FBXO8: variants seen among roughly 807,000 people sequenced by gnomAD.
The protein encoded by FBXO8 is F-box only protein 8.
FBXO8 carries 15 observed loss-of-function variants against 33.4 expected under a neutral mutation model. The ratio of observed to expected loss-of-function variants is 0.45; its 90% CI spans 0.30 to 0.69. The LOEUF (loss-of-function observed/expected upper bound fraction) is 0.69. FBXO8 is among the 30% of genes least tolerant of loss of function. FBXO8 has a pLI of 0.08. For synonymous variants in FBXO8, 132 were observed against 131.5 expected (o/e 1.00, Z -0.02); for missense variants, 274 against 380.3 (o/e 0.72, Z 2.32).
chr4:174,277,713 G>A lies in FBXO8; in HGVS notation c.-9+5697C>T, dbSNP rs148865782. On this transcript the variant is annotated intron_variant, in intron 1 of 5. Transcript: ENST00000393674. This position sits in a 1 kb window ranked among gnomAD's most constrained non-coding sequence, Gnocchi z 4.9. Reference sequence around the variant, plus strand: ...CATTATAAATGGTCATTTTTCTTCAGTATTTCTTAGTTGTCTAAATAGTGG... The same window carrying A: ...CATTATAAATGGTCATTTTTCTTCAATATTTCTTAGTTGTCTAAATAGTGG... Among the ~76,000 whole-genome samples, 23 of 152,160 alleles carry A rather than the reference G, an allele frequency of 1.5e-4. No individual in the cohort carries two copies. The highest frequency in any genetic ancestry group is 5.5e-4 in the African/African-American group (23 of 41,538).
In FBXO8 at chr4:174,262,351, A is replaced by C. The variant is rs1290883273; in HGVS notation, c.329+413T>G. ...TTAAAAACAGTAACATTTGAGGACT[A>C]TTCATTGATTTCGAAGTCTGCCTAT... On this transcript the variant is annotated intron_variant, in intron 2 of 5. Transcript: ENST00000393674. The surrounding 1 kb of genome is among the most constrained non-coding windows in gnomAD (Gnocchi z 4.6). 6.6e-6 allele frequency among the ~76,000 whole-genome samples: 1 copy of C among 152,216 alleles called. No individual in the cohort carries two copies. The highest frequency in any genetic ancestry group is 2.4e-5 in the African/African-American group (1 of 41,464).
At chr4:174,269,006 A>G (rs914880097) in intron 1 of FBXO8, 4 of 151,998 alleles carry the variant, frequency 2.6e-5, no homozygotes, top group African/African-American at 9.7e-5. Flanking sequence ...ACAAAATTAT[A>G]AATAATGAAG....
chr4:174,256,394 A>C lies in FBXO8; in HGVS notation c.456+3305T>G, dbSNP rs1337147132. On this transcript the variant is annotated intron_variant, in intron 3 of 5. Coordinates refer to ENST00000393674, the MANE Select transcript of FBXO8 (RefSeq NM_012180.3). The surrounding 1 kb of genome is among the most constrained non-coding windows in gnomAD (Gnocchi z 4.6). ...TCCAGTGAGTGGGGAAAAAGAAAAC[A>C]AAATACAGTCTCCAAAAAGTACTGC... is the stretch of plus-strand genomic sequence containing the variant. 6.6e-6 allele frequency among the ~76,000 whole-genome samples: 1 copy of C among 152,180 alleles called. No individual in the cohort carries two copies. The highest frequency in any genetic ancestry group is 2.4e-5 in the African/African-American group (1 of 41,450).
intron 4 of FBXO8, among the ~76,000 whole-genome samples, chr4:174,240,272 G>C (rs79617732): frequency 0.011 from 1,720 of 151,660 alleles, 27 homozygotes; most frequent in African/African-American, 0.039. Flanking sequence ...CAGGATGCTG[G>C]ACTCTGAACT....
intron 3 of FBXO8, among the ~76,000 whole-genome samples, chr4:174,242,098 C>T (rs1022737759): frequency 1.3e-5 from 2 of 151,514 alleles, no homozygotes; most frequent in Admixed American, 6.6e-5. Context: ...TTTCAACTTG[C>T]GGTTATCCAG....
chr4:174,258,777 AAGAC>A (rs1736474055), intron 3 of FBXO8, among the ~76,000 whole-genome samples: 1 of 152,066 alleles, frequency 6.6e-6, no homozygotes, highest in African/African-American at 2.4e-5. Flanking sequence ...ATTTTTGTTT[AAGAC>A]TCAAATATTT....
At chr4:174,243,490 A>T (rs1175744928) in intron 3 of FBXO8, among the ~76,000 whole-genome samples, 1 of 148,754 alleles carries the variant, frequency 6.7e-6, no homozygotes, top group Non-Finnish European at 1.5e-5. Context: ...CCAAATTCTT[A>T]TCTTCTTATG....
Position 174,242,666 on chromosome 4 carries a change from T to C in FBXO8, c.457-1448A>G, listed in dbSNP as rs1269147979. On this transcript the variant is annotated intron_variant, in intron 3 of 5. Coordinates refer to ENST00000393674, the MANE Select transcript of FBXO8 (RefSeq NM_012180.3). ...AATACAAGGGCTAGAAAATGTAATA[T>C]GATAAGATGGAAAGCCAAAATACTT... 2.7e-5 allele frequency among the ~76,000 whole-genome samples: 4 copies of C among 150,544 alleles called. No homozygotes were observed. The East Asian group carries it at 7.7e-4, about 29-fold the overall frequency.
rs991412544 is a variant in FBXO8, at chr4:174,267,742, T to C, written c.-8-4642A>G. 7.2e-5 allele frequency among the ~76,000 whole-genome samples: 11 copies of C among 152,114 alleles called. No individual in the cohort carries two copies. The highest frequency in any genetic ancestry group is 1.2e-4 in the Non-Finnish European group (8 of 67,986). ...AGATTTGTGTTAAAAGTTTTAATAATATCTTGGTATAAAGATTTTAAAACT... is the reference window on the plus strand; with the variant it reads ...AGATTTGTGTTAAAAGTTTTAATAACATCTTGGTATAAAGATTTTAAAACT... On this transcript the variant is annotated intron_variant, in intron 1 of 5. Transcript: ENST00000393674. The surrounding 1 kb of genome is among the most constrained non-coding windows in gnomAD (Gnocchi z 4.7).
Position 174,283,202 on chromosome 4 carries a change from A to C in FBXO8, c.-9+208T>G, listed in dbSNP as rs1737180549. On this transcript the variant is annotated intron_variant, in intron 1 of 5. Transcript: ENST00000393674. This position sits in a 1 kb window ranked among gnomAD's most constrained non-coding sequence, Gnocchi z 6.7. ...GCCTAGAAACAGAAGGAACACACCC[A>C]GTTCCGCCTCCTGACAGTGATTCCT... is the stretch of plus-strand genomic sequence containing the variant. 6.6e-6 allele frequency among the ~76,000 whole-genome samples: 1 copy of C among 152,208 alleles called. No individual in the cohort carries two copies. The highest frequency in any genetic ancestry group is 2.4e-5 in the African/African-American group (1 of 41,444).
rs1736941868 is a variant in FBXO8 at position 174,275,565 on chromosome 4, A to C, written c.-9+7845T>G. 6.6e-6 allele frequency among the ~76,000 whole-genome samples: 1 copy of C among 152,194 alleles called. No homozygotes were observed. Among genetic ancestry groups the C allele is most frequent in the African/African-American group, 2.4e-5 (1 of 41,448 alleles). ...GGAAAAAAACAAAAAAAGTTTAAAA[A>C]AGGATAGGCAACTGCACATTTAAAG... On this transcript the variant is annotated intron_variant, in intron 1 of 5. Transcript: ENST00000393674. This position sits in a 1 kb window ranked among gnomAD's most constrained non-coding sequence, Gnocchi z 4.4.
rs527812906 is a variant in FBXO8 at position 174,247,737 on chromosome 4, T to C, written c.457-6519A>G. On this transcript the variant is annotated intron_variant, in intron 3 of 5. Coordinates refer to ENST00000393674, the MANE Select transcript of FBXO8 (RefSeq NM_012180.3). This position sits in a 1 kb window ranked among gnomAD's most constrained non-coding sequence, Gnocchi z 4.6. The stretch of plus-strand genomic sequence containing the variant: ...AAAAATTAAGTGACACAATATACGT[T>C]ATTAATAGTAAAAATAATTGACACA... 3.3e-5 allele frequency among the ~76,000 whole-genome samples: 5 copies of C among 152,204 alleles called. No individual in the cohort carries two copies. Among genetic ancestry groups the C allele is most frequent in the Admixed American group, 2.0e-4 (3 of 15,242 alleles).
chr4:174,259,689 C>A lies in FBXO8; in HGVS notation c.456+10G>T. ...GTCACTGGATACAAATATTCAAGTTCTTCACTAACCTCATCTGGGTTGGCA... is the reference window on the plus strand; with the variant it reads ...GTCACTGGATACAAATATTCAAGTTATTCACTAACCTCATCTGGGTTGGCA... On this transcript the variant is annotated intron_variant, in intron 3 of 5. Coordinates refer to ENST00000393674, the MANE Select transcript of FBXO8 (RefSeq NM_012180.3). The surrounding 1 kb of genome is among the most constrained non-coding windows in gnomAD (Gnocchi z 4.3). 1 of 1,605,802 alleles carries A rather than the reference C, an allele frequency of 6.2e-7. No homozygotes were observed. Among genetic ancestry groups the A allele is most frequent in the Non-Finnish European group, 8.5e-7 (1 of 1,177,154 alleles).
intron 1 of FBXO8, among the ~76,000 whole-genome samples, chr4:174,264,425 G>A (rs1736641278): frequency 6.6e-6 from 1 of 152,092 alleles, no homozygotes. Context: ...AGGTACTTCT[G>A]AAGAATCCAT....
intron 3 of FBXO8, among the ~76,000 whole-genome samples, chr4:174,250,868 G>C (rs577001835): frequency 5.9e-5 from 9 of 152,054 alleles, no homozygotes; most frequent in Admixed American, 2.6e-4. Context: ...CAGACACCTT[G>C]GACATTAAAG....
In FBXO8 at chr4:174,256,210, C is replaced by G. The variant is rs1712444543; in HGVS notation, c.456+3489G>C. 2.3e-6 allele frequency: 1 copy of G among 444,268 alleles called. No homozygotes were observed. The highest frequency in any genetic ancestry group is 4.5e-6 in the Non-Finnish European group (1 of 223,636). 27.5% of individuals were successfully genotyped at this position (444,268 alleles called of 1,614,324 possible). A position where few individuals can be genotyped will look rare whatever the true frequency, so the allele number is the denominator to read the frequency against. ...TGCTATCAAAATGTTAAGTACAATA[C>G]TGGAAATTATGAAAAAGTAGACTTT... is the stretch of plus-strand genomic sequence containing the variant. On this transcript the variant is annotated intron_variant, in intron 3 of 5. Transcript: ENST00000393674. This position sits in a 1 kb window ranked among gnomAD's most constrained non-coding sequence, Gnocchi z 4.6.
chr4:174,258,568 A>G (rs2126432437), intron 3 of FBXO8, among the ~76,000 whole-genome samples: 1 of 152,258 alleles, frequency 6.6e-6, no homozygotes, highest in South Asian at 2.1e-4. Flanking sequence ...GCTTTACAAT[A>G]TATATACTTT....
rs547330456 is a variant in FBXO8 at position 174,252,653 on chromosome 4, GCA to G, written c.456+7044_456+7045del. 2.1e-3 allele frequency among the ~76,000 whole-genome samples: 267 copies of G among 127,492 alleles called. No individual in the cohort carries two copies. Among genetic ancestry groups the G allele is most frequent in the East Asian group, 4.4e-3 (22 of 5,042 alleles). 83.6% of individuals were successfully genotyped at this position (127,492 alleles called of 152,430 possible). On this transcript the variant is annotated intron_variant, in intron 3 of 5. Coordinates refer to ENST00000393674, the MANE Select transcript of FBXO8 (RefSeq NM_012180.3). This position sits in a 1 kb window ranked among gnomAD's most constrained non-coding sequence, Gnocchi z 5.1. Reference sequence around the variant, plus strand: ...CATGTACTTGTGCATGTGAGTGCATGCACACACACACACACACACACACGCAC... The same window carrying G: ...CATGTACTTGTGCATGTGAGTGCATGCACACACACACACACACACACGCAC...
chr4:174,264,598 T>C (rs1417653873), intron 1 of FBXO8, among the ~76,000 whole-genome samples: 1 of 152,088 alleles, frequency 6.6e-6, no homozygotes, highest in Non-Finnish European at 1.5e-5. Context: ...TATATTGCAC[T>C]GCTTGGAATC....
Sources: allele counts gnomAD v4.1 joint callset (sites outside exome capture counted in the v4.1 genomes callset), GRCh38; gene constraint gnomAD v4.1.1; non-coding constraint Gnocchi (gnomAD v3.1); transcripts MANE v1.5; gene names NCBI Gene and HGNC (gene_info 2026-07-23, HGNC 2026-07-21).